XRCC4: variants seen among roughly 807,000 people sequenced by gnomAD.
XRCC4 encodes the protein DNA repair protein XRCC4.
In XRCC4, 28 loss-of-function variants were observed where a neutral mutation model predicts 39.1. That is an observed-to-expected ratio of 0.72 (90% confidence interval 0.53 to 0.98). XRCC4 has a LOEUF of 0.98. XRCC4 is among the 50% of genes least tolerant of loss of function. The probability of loss-of-function intolerance (pLI) is 0.00; values close to 1 mark genes in which losing one functional copy is unlikely to be tolerated. For synonymous variants in XRCC4, 123 were observed against 126.4 expected, an observed-to-expected ratio of 0.97 and a Z score of 0.18; for missense variants, 350 against 376.4, an observed-to-expected ratio of 0.93 and a Z score of 0.58.
intron 6 of XRCC4, among the ~76,000 whole-genome samples, chr5:83,235,227 T>A (rs552500958): frequency 3.6e-4 from 54 of 149,608 alleles, no homozygotes; most frequent in East Asian, 2.6e-3. Context: ...CCCAGCTACT[T>A]GGGAGTCTAA....
At chr5:83,272,469 C>T (rs1450448366) in intron 7 of XRCC4, among the ~76,000 whole-genome samples, 2 of 152,092 alleles carry the variant, frequency 1.3e-5, no homozygotes, top group Non-Finnish European at 2.9e-5. Context: ...AGGTTTGTTA[C>T]ATAGGTACGT....
At chr5:83,187,342 T>C (rs1378464902) in intron 3 of XRCC4, among the ~76,000 whole-genome samples, 1 of 152,226 alleles carries the variant, frequency 6.6e-6, no homozygotes, top group African/African-American at 2.4e-5. Context: ...TTTAAGTATT[T>C]ATGTGAATAC....
At chr5:83,217,819 A>G (rs1190693030) in intron 6 of XRCC4, among the ~76,000 whole-genome samples, 2 of 152,132 alleles carry the variant, frequency 1.3e-5, no homozygotes, top group Non-Finnish European at 2.9e-5. Flanking sequence ...AGAATAGAAC[A>G]TCTTGTAGGT....
chr5:83,366,916 G>A, the XRCC4 span, among the ~76,000 whole-genome samples: 11 of 152,080 alleles, frequency 7.2e-5, no homozygotes, highest in South Asian at 6.2e-4. Flanking sequence ...TCCTTGCCCC[G>A]ATTAGTTATT....
the XRCC4 span, among the ~76,000 whole-genome samples, chr5:83,362,306 A>C: frequency 2.0e-5 from 3 of 148,750 alleles, no homozygotes; most frequent in South Asian, 2.1e-4. Flanking sequence ...AAAAAAAAAA[A>C]AAAAAAAAAA....
chr5:83,129,584 A>G (rs941549077), intron 3 of XRCC4, among the ~76,000 whole-genome samples: 3 of 152,102 alleles, frequency 2.0e-5, no homozygotes, highest in Non-Finnish European at 2.9e-5. Context: ...CCATTTTCAC[A>G]ATATTGATTC....
intron 3 of XRCC4, among the ~76,000 whole-genome samples, chr5:83,158,185 G>A (rs1749048868): frequency 6.6e-6 from 1 of 152,084 alleles, no homozygotes; most frequent in Non-Finnish European, 1.5e-5. Flanking sequence ...CCAAGTAAAG[G>A]ACGAATAACG....
intron 7 of XRCC4, among the ~76,000 whole-genome samples, chr5:83,321,629 T>C (rs1756078717): frequency 6.6e-6 from 1 of 152,166 alleles, no homozygotes; most frequent in Non-Finnish European, 1.5e-5. Flanking sequence ...GAATGTACTG[T>C]ACACACAAAC....
chr5:83,107,495 A>G (rs73768862), intron 2 of XRCC4, among the ~76,000 whole-genome samples: 2,667 of 151,936 alleles, frequency 0.018, 69 homozygotes, highest in African/African-American at 0.061. Flanking sequence ...TCTCCCCTAC[A>G]CTAAACTCAC....
rs140517414 is a variant in XRCC4 at position 83,334,997 on chromosome 5, AAATT to A, written c.894-18131_894-18128del. ...TTGATTATGATTCAACACTCAAAAT[AAATT>A]AAGGAGTTGAGAGAAGACAGAAAAT... On this transcript the variant is annotated intron_variant, in intron 7 of 7. Coordinates refer to ENST00000396027, the MANE Select transcript of XRCC4 (RefSeq NM_003401.5). Among the ~76,000 whole-genome samples the A allele has an allele frequency of 8.6e-3, 1,305 of 152,114 alleles. 31 individuals are homozygous for A. Among genetic ancestry groups the A allele is most frequent in the African/African-American group, 0.03 (1,230 of 41,546 alleles).
At chr5:83,244,551 T>TATGC (rs1753028742) in intron 6 of XRCC4, among the ~76,000 whole-genome samples, 1 of 146,554 alleles carries the variant, frequency 6.8e-6, no homozygotes, top group African/African-American at 2.5e-5. Flanking sequence ...TGCAGCTTAA[T>TATGC]ATGCATCCAA....
intron 3 of XRCC4, among the ~76,000 whole-genome samples, chr5:83,130,301 C>A (rs1747503425): frequency 6.6e-6 from 1 of 152,178 alleles, no homozygotes; most frequent in East Asian, 1.9e-4. Context: ...ACCAGCCTTG[C>A]ATCCCAGGGA....
At chr5:83,104,354 T>C (rs1746093504) in intron 1 of XRCC4, among the ~76,000 whole-genome samples, 1 of 152,218 alleles carries the variant, frequency 6.6e-6, no homozygotes, top group Admixed American at 6.5e-5. Flanking sequence ...AATATTTCAG[T>C]AGTGAGATCA....
At chr5:83,287,607 AG>A (rs1754780179) in intron 7 of XRCC4, among the ~76,000 whole-genome samples, 2 of 151,956 alleles carry the variant, frequency 1.3e-5, no homozygotes, top group Admixed American at 1.3e-4. Flanking sequence ...AATATTCAAA[AG>A]ACTGGACTTG....
the XRCC4 span, among the ~76,000 whole-genome samples, chr5:83,360,036 T>G: frequency 2.0e-5 from 3 of 152,108 alleles, no homozygotes; most frequent in African/African-American, 7.2e-5. Flanking sequence ...ATAAGAAATG[T>G]CAAATACGAA....
At chr5:83,139,119 A>T (rs565695144) in intron 3 of XRCC4, among the ~76,000 whole-genome samples, 1 of 152,272 alleles carries the variant, frequency 6.6e-6, no homozygotes, top group Non-Finnish European at 1.5e-5. Context: ...CTTGTCTAGC[A>T]TACAATCCAG....
chr5:83,247,956 A>G (rs1295531087), intron 6 of XRCC4, among the ~76,000 whole-genome samples: 1 of 152,104 alleles, frequency 6.6e-6, no homozygotes, highest in Non-Finnish European at 1.5e-5. Context: ...ACTTCTTTAT[A>G]CTGCAGTAAT....
chr5:83,340,681 C>T (rs376612993), intron 7 of XRCC4, among the ~76,000 whole-genome samples: 1 of 151,548 alleles, frequency 6.6e-6, no homozygotes, highest in Non-Finnish European at 1.5e-5. Flanking sequence ...AAGTATACAG[C>T]TCTGCCAACT....
chr5:83,181,411 A>G (rs1179155495), intron 3 of XRCC4, among the ~76,000 whole-genome samples: 2 of 152,112 alleles, frequency 1.3e-5, no homozygotes, highest in African/African-American at 4.8e-5. Flanking sequence ...ATTATATCCA[A>G]ATTCTCTGAC....
Sources: gnomAD v4.1 joint callset for allele counts (sites outside exome capture counted in the v4.1 genomes callset) on GRCh38, gnomAD v4.1.1 for gene constraint, MANE v1.5 for transcripts, NCBI Gene and HGNC (gene_info 2026-07-23, HGNC 2026-07-21) for gene names.